VPS41: variants seen among roughly 807,000 people sequenced by gnomAD.
VPS41 encodes the protein VPS41 subunit of HOPS complex.
VPS41 carries 85 observed loss-of-function variants against 130.9 expected under a neutral mutation model. The observed-to-expected ratio is 0.65, with a 90% CI of 0.55 to 0.78. VPS41 has a LOEUF of 0.78. VPS41 is among the 30% of genes least tolerant of loss of function. VPS41 has a pLI of 0.00. For synonymous variants in VPS41, 335 were observed against 332.9 expected (o/e 1.01, Z -0.07); for missense variants, 874 against 1,018.7 (o/e 0.86, Z 1.93).
intron 22 of VPS41, among the ~76,000 whole-genome samples, chr7:38,748,776 G>A (rs139863447): frequency 1.3e-5 from 2 of 152,008 alleles, no homozygotes; most frequent in East Asian, 1.9e-4. Flanking sequence ...TTTTAAACCT[G>A]AAAATGATTC....
At chr7:38,885,810 G>A (rs1786715356) in intron 2 of VPS41, among the ~76,000 whole-genome samples, 1 of 152,058 alleles carries the variant, frequency 6.6e-6, no homozygotes, top group African/African-American at 2.4e-5. Flanking sequence ...TGAAGCAAGT[G>A]AAACAATAGG....
intron 7 of VPS41, among the ~76,000 whole-genome samples, chr7:38,808,290 T>C (rs1242310430): frequency 2.0e-5 from 3 of 152,206 alleles, no homozygotes; most frequent in African/African-American, 4.8e-5. Context: ...TCAGATAGCT[T>C]AGTATACATA....
At chr7:38,830,702 A>G (rs964035782) in intron 4 of VPS41, among the ~76,000 whole-genome samples, 1 of 152,154 alleles carries the variant, frequency 6.6e-6, no homozygotes, top group Admixed American at 6.5e-5. Flanking sequence ...GATTGATGCT[A>G]TGGAAAGACA....
chr7:38,741,268 G>T (rs1216196168), intron 25 of VPS41: 1 of 288,160 alleles, frequency 3.5e-6, no homozygotes, highest in Non-Finnish European at 7.1e-6. Context: ...GTAAATTAGA[G>T]GAAGAACAAC....
chr7:38,840,088 C>T (rs1562605591), intron 4 of VPS41, among the ~76,000 whole-genome samples: 1 of 152,220 alleles, frequency 6.6e-6, no homozygotes, highest in Non-Finnish European at 1.5e-5. Context: ...TTGCCAAGAA[C>T]TTCAGAGGCT....
intron 12 of VPS41, 58 bp downstream of exon 12, chr7:38,774,057 G>A (rs1459167214): frequency 1.4e-6 from 2 of 1,461,906 alleles, no homozygotes; most frequent in African/African-American, 2.9e-5. Flanking sequence ...TTGCAAGTAG[G>A]AAGGGGGAGA....
At chr7:38,743,192 T>C (rs1373083571) in intron 24 of VPS41, among the ~76,000 whole-genome samples, 1 of 152,184 alleles carries the variant, frequency 6.6e-6, no homozygotes, top group Non-Finnish European at 1.5e-5. Context: ...CTGTTCTTCA[T>C]CACATGCAGG....
At chr7:38,776,186 G>C (rs1347487014) in intron 11 of VPS41, among the ~76,000 whole-genome samples, 1 of 152,090 alleles carries the variant, frequency 6.6e-6, no homozygotes, top group African/African-American at 2.4e-5. Flanking sequence ...ACTGATAACT[G>C]AGATTTCACA....
chr7:38,903,797 A>G (rs943453710), intron 1 of VPS41, among the ~76,000 whole-genome samples: 1 of 152,180 alleles, frequency 6.6e-6, no homozygotes, highest in Non-Finnish European at 1.5e-5. Flanking sequence ...TTAGACACTC[A>G]GGGACTAGGC....
intron 4 of VPS41, among the ~76,000 whole-genome samples, chr7:38,834,333 G>A (rs1387278955): frequency 6.6e-6 from 1 of 152,126 alleles, no homozygotes; most frequent in Non-Finnish European, 1.5e-5. Context: ...TGTTTCCCCT[G>A]AGAGGTCTTA....
intron 2 of VPS41, among the ~76,000 whole-genome samples, chr7:38,889,177 TAC>T (rs904947066): frequency 7.0e-6 from 1 of 143,462 alleles, no homozygotes; most frequent in Non-Finnish European, 1.5e-5. Flanking sequence ...TTCATGTTAT[TAC>T]AGTTCCACAG....
chr7:38,745,590 T>C lies in VPS41; in HGVS notation c.1950A>G (p.Arg650=), dbSNP rs1346196628. 6.2e-7 allele frequency: 1 copy of C among 1,607,696 alleles called. No individual in the cohort carries two copies. The highest frequency in any genetic ancestry group is 8.5e-7 in the Non-Finnish European group (1 of 1,178,370). The change falls in exon 23 of 29, where the codon AGA becomes AGG. Residue 650 remains arginine (R), a synonymous_variant. Coordinates refer to ENST00000310301, the MANE Select transcript of VPS41 (RefSeq NM_014396.4). ...LEKALEICQQ[R]NFVEETVYLL... ...GATAAACTGTCTCTTCTACAAAGTT[T>C]CTCTGTTGACAGATCTCAAGAGCCT...
chr7:38,873,412 T>C (rs1302416974), intron 2 of VPS41, among the ~76,000 whole-genome samples: 7 of 151,938 alleles, frequency 4.6e-5, no homozygotes, highest in Non-Finnish European at 1.0e-4. Context: ...AAAAGTCTAG[T>C]AGATTATAGA....
chr7:38,829,543 C>T (rs141767443), intron 5 of VPS41, among the ~76,000 whole-genome samples: 19 of 152,162 alleles, frequency 1.2e-4, no homozygotes, highest in Middle Eastern at 3.4e-3. Context: ...TCATTGCAAA[C>T]CAACATTAGA....
At chr7:38,834,566 C>A (rs1162380222) in intron 4 of VPS41, among the ~76,000 whole-genome samples, 1 of 152,082 alleles carries the variant, frequency 6.6e-6, no homozygotes, top group African/African-American at 2.4e-5. Flanking sequence ...AGAGAGAACA[C>A]TGTGATTAGG....
chr7:38,846,471 C>T (rs2116245341), intron 4 of VPS41, among the ~76,000 whole-genome samples: 1 of 152,252 alleles, frequency 6.6e-6, no homozygotes, highest in South Asian at 2.1e-4. Flanking sequence ...AAGTGCATTC[C>T]AACGAGAGCC....
chr7:38,824,727 A>G (rs73121381), intron 5 of VPS41, among the ~76,000 whole-genome samples: 17,946 of 152,256 alleles, frequency 0.12, 1,730 homozygotes, highest in African/African-American at 0.26. Flanking sequence ...TGAATTAAGG[A>G]CACTCTATGA....
At chr7:38,730,935 A>T (rs1437240156) in intron 25 of VPS41, among the ~76,000 whole-genome samples, 1 of 152,226 alleles carries the variant, frequency 6.6e-6, no homozygotes, top group Non-Finnish European at 1.5e-5. Context: ...CAAACCAGGA[A>T]GGAGCCATAT....
chr7:38,753,968 C>G (rs1198671043), intron 21 of VPS41, among the ~76,000 whole-genome samples: 1 of 152,150 alleles, frequency 6.6e-6, no homozygotes, highest in Non-Finnish European at 1.5e-5. Context: ...GTATCTGATA[C>G]CCATAGTCCT....
Sources: gnomAD v4.1 joint callset for allele counts (sites outside exome capture counted in the v4.1 genomes callset) on GRCh38, gnomAD v4.1.1 for gene constraint, MANE v1.5 for transcripts, NCBI Gene and HGNC (gene_info 2026-07-23, HGNC 2026-07-21) for gene names.